Variants in UBR4 observed in about 807,000 individuals in gnomAD.
UBR4 encodes the protein E3 ubiquitin-protein ligase UBR4.
In UBR4, 124 loss-of-function variants were observed where a neutral mutation model predicts 575.6. The ratio of observed to expected loss-of-function variants is 0.22; its 90% CI spans 0.19 to 0.25. The LOEUF (loss-of-function observed/expected upper bound fraction) is 0.25, where lower values mean the gene tolerates loss of function less well. Among genes scored for constraint, UBR4 ranks in the 10% least tolerant of loss-of-function variants. UBR4 has a pLI of 1.00. For missense variants in UBR4, 4,818 were observed against 6,478.8 expected, an observed-to-expected ratio of 0.74 and a Z score of 8.80; for synonymous variants, 2,455 against 2,473.7, an observed-to-expected ratio of 0.99 and a Z score of 0.22.
intron 42 of UBR4, among the ~76,000 whole-genome samples, 199 bp downstream of exon 42, chr1:19,156,072 C>T (rs2086410033): frequency 6.6e-6 from 1 of 152,118 alleles, no homozygotes; most frequent in Non-Finnish European, 1.5e-5. Flanking sequence ...AGTGGCGTGG[C>T]ATGATCACAG....
At chr1:19,094,203 C>A (rs873808) in intron 94 of UBR4, 64 bp from the exon 95 acceptor site, 4 of 1,378,408 alleles carry the variant, frequency 2.9e-6, no homozygotes, top group Non-Finnish European at 4.0e-6. Flanking sequence ...CAGCCAACAT[C>A]TGAGCCCCAA....
Position 19,094,978 on chromosome 1 carries a change from C to T in UBR4, c.13674G>A (p.Val4558=). 2 of 1,614,198 alleles carry T rather than the reference C, an allele frequency of 1.2e-6. No homozygotes were observed. The highest frequency in any genetic ancestry group is 1.7e-4 in the Middle Eastern group (1 of 6,060). The change falls in exon 94 of 106, where the codon GTG becomes GTA. Residue 4558 remains valine (V), a synonymous_variant. Coordinates refer to ENST00000375254, the MANE Select transcript of UBR4 (RefSeq NM_020765.3). ...QESKDSGGAA[V]AEQVLSIMEI... ...CCATGATGCTAAGCACCTGCTCAGC[C>T]ACAGCTGCACCCCCACTGTCCTTGC...
At chr1:19,084,813 A>G (rs2076848664) in intron 101 of UBR4, 115 bp from the exon 102 acceptor site, 2 of 1,008,540 alleles carry the variant, frequency 2.0e-6, no homozygotes, top group African/African-American at 3.3e-5. Context: ...AAGGTTTGCA[A>G]ACGGAGACAA....
intron 57 of UBR4, 80 bp from the exon 58 acceptor site, chr1:19,140,972 AAG>A: frequency 2.1e-6 from 3 of 1,413,974 alleles, no homozygotes; most frequent in Non-Finnish European, 2.9e-6. Flanking sequence ...TGCTGCCCTC[AAG>A]AGTCTCCAAA....
chr1:19,075,476 G>C (rs2148333229), intron 105 of UBR4: 2 of 164,676 alleles, frequency 1.2e-5, no homozygotes, highest in Admixed American at 1.1e-4. Context: ...AAGAACGCGA[G>C]GCATGTGCTA....
chr1:19,099,543 T>C (rs2078405162), intron 90 of UBR4, 54 bp downstream of exon 90: 2 of 1,518,896 alleles, frequency 1.3e-6, no homozygotes, highest in African/African-American at 1.4e-5. Flanking sequence ...GGTACAAGTC[T>C]GCATAAGTCA....
intron 1 of UBR4, 146 bp from the exon 2 acceptor site, chr1:19,201,961 G>T: frequency 1.5e-6 from 1 of 687,144 alleles, no homozygotes; most frequent in Non-Finnish European, 2.3e-6. Context: ...GGAAAGATGA[G>T]ACAGGTGGAT....
chr1:19,127,659 G>T lies in UBR4; in HGVS notation c.9192C>A (p.Ser3064=). 6.2e-7 allele frequency: 1 copy of T among 1,614,080 alleles called. No homozygotes were observed. Among genetic ancestry groups the T allele is most frequent in the Non-Finnish European group, 8.5e-7 (1 of 1,179,996 alleles). ...VVMRLLSVFM[S]RTKSGSKSSI... ...AAGACTTGGATCCAGATTTGGTGCG[G>T]GACATGAAGACACTCAGGAGTCTCA... Residue 3064 remains serine (S), a synonymous_variant, in exon 63 of 106, where the codon TCC becomes TCA. Transcript: ENST00000375254.
At chr1:19,168,432 G>A (rs187115412) in intron 27 of UBR4, among the ~76,000 whole-genome samples, 1 of 152,104 alleles carries the variant, frequency 6.6e-6, no homozygotes, top group Non-Finnish European at 1.5e-5. Flanking sequence ...CAAATGATTA[G>A]AGTATAATAT....
chr1:19,138,305 T>C, intron 59 of UBR4, 124 bp from the exon 60 acceptor site: 1 of 1,077,464 alleles, frequency 9.3e-7, no homozygotes, highest in East Asian at 2.8e-5. Context: ...CTGGTAGCAT[T>C]TTTGTCTTAT....
chr1:19,084,417 G>T, intron 102 of UBR4, 87 bp downstream of exon 102: 1 of 1,381,992 alleles, frequency 7.2e-7, no homozygotes, highest in South Asian at 1.4e-5. Flanking sequence ...ACTAGCATGA[G>T]AGGCTATGAA....
At chr1:19,086,997 C>T (rs2077076432) in intron 99 of UBR4, among the ~76,000 whole-genome samples, 176 bp from the exon 100 acceptor site, 1 of 152,230 alleles carries the variant, frequency 6.6e-6, no homozygotes, top group African/African-American at 2.4e-5. Flanking sequence ...TGGTGAAGCA[C>T]TTGGCTGGCC....
intron 34 of UBR4, 44 bp downstream of exon 34, chr1:19,163,720 C>A: frequency 6.3e-7 from 1 of 1,597,576 alleles, no homozygotes; most frequent in Non-Finnish European, 8.6e-7. Flanking sequence ...AGGTGAGAAT[C>A]ACCTTTCCCT....
intron 102 of UBR4, among the ~76,000 whole-genome samples, 182 bp downstream of exon 102, chr1:19,084,322 C>T (rs1485772201): frequency 1.3e-5 from 2 of 152,174 alleles, no homozygotes; most frequent in Non-Finnish European, 2.9e-5. Flanking sequence ...CCCTTTATTG[C>T]TTTTTCTGCA....
Position 19,112,758 on chromosome 1 carries a change from T to C in UBR4, c.11567A>G (p.Tyr3856Cys). The change falls in exon 78 of 106, where the codon TAC (tyrosine) becomes TGC (cysteine). Residue 3856 changes from tyrosine to cysteine, a missense_variant. Coordinates refer to ENST00000375254, the MANE Select transcript of UBR4 (RefSeq NM_020765.3). The part of the protein sequence containing the change: ...SVQPTFTASQ[Y>C]RALSVLGCGH... ...ACAGCCCAGGACGGATAAGGCACGG[T>C]ACTGGCTGGCAGTGAATGTGGGCTG... 6.2e-7 allele frequency: 1 copy of C among 1,614,256 alleles called. No individual in the cohort carries two copies. Among genetic ancestry groups the C allele is most frequent in the Non-Finnish European group, 8.5e-7 (1 of 1,180,034 alleles).
chr1:19,165,299 G>A lies in UBR4; in HGVS notation c.4262C>T (p.Ala1421Val). Residue 1421 changes from alanine to valine, a missense_variant, in exon 31 of 106, where the codon GCT (alanine) becomes GTT (valine). Around this residue, in one of 29 missense-constraint regions of UBR4, gnomAD observed 1,172 missense variants for 1,259.7 expected, o/e 0.93. Transcript: ENST00000375254. Reference sequence around the variant, plus strand: ...TTTCAAAACTCGGTTACAGAATTTAGCAGAGAGGTTCTCATTGGCTGTTGC... The same window carrying A: ...TTTCAAAACTCGGTTACAGAATTTAACAGAGAGGTTCTCATTGGCTGTTGC... Reference protein sequence around the residue: ...MMATANENLSAKFCNRVLKFF... With the variant: ...MMATANENLSVKFCNRVLKFF... The A allele has an allele frequency of 6.2e-7, 1 of 1,614,204 alleles. No individual in the cohort carries two copies. Among genetic ancestry groups the A allele is most frequent in the South Asian group, 1.1e-5 (1 of 91,086 alleles).
rs752861391 is a variant in UBR4, at chr1:19,118,920, C to T, written c.10493G>A (p.Arg3498Gln). ...EYSQKAVEIL[R>Q]TQNHILTNHP... ...GTTGGTAAGAATATGGTTTTGAGTC[C>T]GCAGAATCTCCACAGCCTTCTGTGA... Residue 3498 changes from arginine (R) to glutamine (Q), a missense_variant, in exon 71 of 106, where the codon CGG becomes CAG. Physicochemically the swap from Arg to Gln is conservative, Grantham distance 43 (BLOSUM62 1). Around this residue, in one of 29 missense-constraint regions of UBR4, gnomAD observed 550 missense variants for 791.5 expected, o/e 0.69. Coordinates refer to ENST00000375254, the MANE Select transcript of UBR4 (RefSeq NM_020765.3). The T allele has an allele frequency of 4.3e-6, 7 of 1,613,954 alleles. No homozygotes were observed. Among genetic ancestry groups the T allele is most frequent in the African/African-American group, 2.7e-5 (2 of 74,880 alleles).
chr1:19,090,187 G>C (rs374670790), intron 97 of UBR4, among the ~76,000 whole-genome samples: 27 of 152,122 alleles, frequency 1.8e-4, no homozygotes, highest in Middle Eastern at 3.4e-3. Flanking sequence ...TCTCACGTTC[G>C]GTCACTCTCC....
In UBR4 at chr1:19,106,935, T is replaced by C. The variant is rs956611067; in HGVS notation, c.12137A>G (p.Lys4046Arg). The C allele has an allele frequency of 1.2e-6, 2 of 1,612,496 alleles. No individual in the cohort carries two copies. Among genetic ancestry groups the C allele is most frequent in the African/African-American group, 2.7e-5 (2 of 74,830 alleles). ...DVPVEALTTV[K>R]PYCNEIHAQA... ...GGCATGGATCTCATTGCAGTATGGC[T>C]TCACCGTGGTGAGGGCCTCAACGGG... Residue 4046 changes from lysine to arginine, a missense_variant, in exon 82 of 106, where the codon AAG becomes AGG. Physicochemically the swap from Lys to Arg is conservative, Grantham distance 26. This residue lies in a region of UBR4 where 333 missense variants were observed against 459.2 expected (regional missense o/e 0.73). Coordinates refer to ENST00000375254, the MANE Select transcript of UBR4 (RefSeq NM_020765.3).
Sources: gnomAD v4.1 joint callset for allele counts (sites outside exome capture counted in the v4.1 genomes callset) on GRCh38, gnomAD v4.1.1 for gene constraint, gnomAD v4.1.1 regional missense constraint, MANE v1.5 for transcripts, NCBI Gene and HGNC (gene_info 2026-07-23, HGNC 2026-07-21) for gene names.